The following ZNF207 variants were observed in gnomAD, a reference collection of about 807,000 sequenced individuals.
ZNF207 encodes zinc finger protein 207.
ZNF207 carries 24 observed loss-of-function variants against 60.2 expected under a neutral mutation model. That is an observed-to-expected ratio of 0.40 (90% CI 0.29 to 0.56). ZNF207 has a LOEUF of 0.56. Among genes scored for constraint, ZNF207 ranks in the 20% least tolerant of loss-of-function variants. The pLI, the probability that ZNF207 is intolerant of heterozygous loss-of-function variation, is 0.49. For synonymous variants in ZNF207, 236 were observed against 194.7 expected (o/e 1.21, Z -1.77); for missense variants, 452 against 636.6 (o/e 0.71, Z 3.12).
chr17:32,366,977 C>G (rs1905189629), intron 9 of ZNF207, among the ~76,000 whole-genome samples: 1 of 151,796 alleles, frequency 6.6e-6, no homozygotes. Context: ...AGCATGTAAG[C>G]AGTAAATGCA....
chr17:32,373,661 T>G lies in ZNF207; in HGVS notation c.*3902T>G, dbSNP rs1905558780. The G allele has an allele frequency of 1.3e-5, 5 of 371,440 alleles. No homozygotes were observed. The East Asian group carries it at 2.0e-4, about 15-fold the overall frequency. The allele number at this position is 371,440 out of a possible 1,614,324, so 23.0% of individuals were successfully genotyped here. Reference sequence around the variant, plus strand: ...TAAACATAAGTATTTCATATGCAATTTTATGTAATTTGCTGTGTGTTACAT... The same window carrying G: ...TAAACATAAGTATTTCATATGCAATGTTATGTAATTTGCTGTGTGTTACAT... On this transcript the variant is annotated 3_prime_UTR_variant, in exon 12 of 12. Transcript: ENST00000394670.
At chr17:32,368,928 C>A (rs191089839) in intron 10 of ZNF207, 49 of 161,922 alleles carry the variant, frequency 3.0e-4, no homozygotes, top group Admixed American at 1.1e-3. Flanking sequence ...TTTCTTGAAC[C>A]CGGGAGGCGG....
Position 32,369,309 on chromosome 17 carries a change from A to G in ZNF207, c.1179A>G (p.Ala393=), listed in dbSNP as rs749464381. The change falls in exon 11 of 12, where the codon GCA becomes GCG. Residue 393 remains alanine (A), a synonymous_variant. Transcript: ENST00000394670. ...TTTATTCCCAGGAAGAGAGAAGGGC[A>G]CAGTTACCTAAGTATCAACGTAATC... ...DEDISLEERR[A]QLPKYQRNLP... The G allele has an allele frequency of 2.5e-6, 4 of 1,614,032 alleles. No homozygotes were observed. The highest frequency in any genetic ancestry group is 1.7e-4 in the Middle Eastern group (1 of 6,026).
At chr17:32,364,638 G>C (rs529071972) in intron 7 of ZNF207, among the ~76,000 whole-genome samples, 82 of 152,248 alleles carry the variant, frequency 5.4e-4, no homozygotes, top group African/African-American at 1.8e-3. Flanking sequence ...GATTATAGTC[G>C]TGAGCCACTG....
chr17:32,355,473 G>A (rs1230604090), intron 2 of ZNF207, among the ~76,000 whole-genome samples: 1 of 152,210 alleles, frequency 6.6e-6, no homozygotes, highest in African/African-American at 2.4e-5. Context: ...GGAGTCCTGT[G>A]TTAATTTTGA....
chr17:32,351,543 A>G (rs918968615), intron 1 of ZNF207: 5 of 1,528,942 alleles, frequency 3.3e-6, no homozygotes, highest in South Asian at 2.4e-5. Flanking sequence ...TTGACAAAGT[A>G]TATTGCTGAT....
intron 10 of ZNF207, 113 bp downstream of exon 10, chr17:32,368,127 T>C: frequency 6.9e-7 from 1 of 1,445,776 alleles, no homozygotes; most frequent in Non-Finnish European, 9.3e-7. Context: ...TCTGGTTTAA[T>C]GCTCACTAAG....
Position 32,375,730 on chromosome 17 carries a change from T to A in ZNF207, c.*5971T>A, listed in dbSNP as rs1476288346. 6.6e-6 allele frequency: 1 copy of A among 152,136 alleles called. No individual in the cohort carries two copies. Among genetic ancestry groups the A allele is most frequent in the Non-Finnish European group, 1.5e-5 (1 of 67,960 alleles). The allele number at this position is 152,136 out of a possible 1,614,324, so 9.4% of individuals were successfully genotyped here. On this transcript the variant is annotated 3_prime_UTR_variant, in exon 12 of 12. Coordinates refer to ENST00000394670, the MANE Select transcript of ZNF207 (RefSeq NM_001098507.2). ...ATTATACAGACATGAATGTCTTTTT[T>A]AAAAGGTTGTCATTATTGACCTAAT...
chr17:32,374,601 T>G lies in ZNF207; in HGVS notation c.*4842T>G, dbSNP rs1905611039. On this transcript the variant is annotated 3_prime_UTR_variant, in exon 12 of 12. Coordinates refer to ENST00000394670, the MANE Select transcript of ZNF207 (RefSeq NM_001098507.2). ...GGAAATGCTTAATTTTAAAATATTT[T>G]CAAGCCTCACCACATTAGAGCAAAT... 1 of 152,206 alleles carries G rather than the reference T, an allele frequency of 6.6e-6. No individual in the cohort carries two copies. Among genetic ancestry groups the G allele is most frequent in the Non-Finnish European group, 1.5e-5 (1 of 68,032 alleles). 9.4% of individuals were successfully genotyped at this position (152,206 alleles called of 1,614,324 possible).
chr17:32,363,529 C>CTTTTTTTT (rs746944466), intron 7 of ZNF207, among the ~76,000 whole-genome samples: 4,310 of 69,574 alleles, frequency 0.062, 1,139 homozygotes, highest in Non-Finnish European at 0.094. Flanking sequence ...ATCCAACAAA[C>CTTTTTTTT]TTTTTTTTTT....
At chr17:32,350,557 G>T (rs986166958) in intron 1 of ZNF207, among the ~76,000 whole-genome samples, 1 of 152,170 alleles carries the variant, frequency 6.6e-6, no homozygotes, top group East Asian at 1.9e-4. Flanking sequence ...GGAGGATCTT[G>T]TTCGGTGCGA....
chr17:32,367,272 T>TGTATATATATA (rs1339607221), intron 9 of ZNF207, among the ~76,000 whole-genome samples: 3 of 118,544 alleles, frequency 2.5e-5, no homozygotes, highest in Non-Finnish European at 5.1e-5. Flanking sequence ...TATATATATA[T>TGTATATATATA]ATATATATAT....
At chr17:32,366,836 A>G in intron 9 of ZNF207, 79 bp downstream of exon 9, 1 of 1,283,450 alleles carries the variant, frequency 7.8e-7, no homozygotes, top group Non-Finnish European at 1.1e-6. Flanking sequence ...AAAAATGAAT[A>G]TTTTTCCAAA....
chr17:32,365,529 G>A (rs756820691), intron 8 of ZNF207, 42 bp downstream of exon 8: 2 of 1,598,444 alleles, frequency 1.3e-6, no homozygotes, highest in South Asian at 2.3e-5. Flanking sequence ...TATATTTAAA[G>A]ATAAAGTACA....
Position 32,350,163 on chromosome 17 carries a change from C to A in ZNF207, c.-123C>A. On this transcript the variant is annotated 5_prime_UTR_variant, in exon 1 of 12. Coordinates refer to ENST00000394670, the MANE Select transcript of ZNF207 (RefSeq NM_001098507.2). The stretch of plus-strand genomic sequence containing the variant: ...CGGAGCGGGGAACGAGGCCGTCGGC[C>A]ATTTTGTGTCTGCTTCCTGTGGGAC... The A allele has an allele frequency of 6.7e-7, 1 of 1,502,914 alleles. No individual in the cohort carries two copies. The highest frequency in any genetic ancestry group is 9.2e-7 in the Non-Finnish European group (1 of 1,085,010). The allele number at this position is 1,502,914 out of a possible 1,614,324, so 93.1% of individuals were successfully genotyped here. A position where few individuals can be genotyped will look rare whatever the true frequency, so the allele number is the denominator to read the frequency against.
intron 5 of ZNF207, 184 bp from the exon 6 acceptor site, chr17:32,361,284 A>T: frequency 1.7e-6 from 1 of 581,034 alleles, no homozygotes; most frequent in Non-Finnish European, 3.0e-6. Flanking sequence ...TGTAGTTGTG[A>T]CAAGAAGCAG....
At chr17:32,357,834 C>T (rs184388348) in intron 2 of ZNF207, among the ~76,000 whole-genome samples, 140 of 151,730 alleles carry the variant, frequency 9.2e-4, no homozygotes, top group African/African-American at 3.3e-3. Flanking sequence ...GGGACTCTCC[C>T]TCTCACGCAG....
At chr17:32,363,445 C>T (rs1290804554) in intron 7 of ZNF207, among the ~76,000 whole-genome samples, 3 of 149,772 alleles carry the variant, frequency 2.0e-5, no homozygotes, top group Admixed American at 6.7e-5. Context: ...AAGTGAGTCA[C>T]GGCCTATGTG....
At chr17:32,360,569 C>G in intron 3 of ZNF207, 29 bp from the exon 4 acceptor site, 1 of 1,566,204 alleles carries the variant, frequency 6.4e-7, no homozygotes, top group Admixed American at 1.9e-5. Context: ...AGTTTTTACT[C>G]TATGGAAATA....
Sources: gnomAD v4.1 joint callset for allele counts (sites outside exome capture counted in the v4.1 genomes callset) on GRCh38, gnomAD v4.1.1 for gene constraint, MANE v1.5 for transcripts, NCBI Gene and HGNC (gene_info 2026-07-23, HGNC 2026-07-21) for gene names.